The following PCDH15 variants were observed in gnomAD, a reference collection of about 807,000 sequenced individuals.
The protein encoded by PCDH15 is protocadherin related 15, also known as protocadherin-15.
In PCDH15, 129 loss-of-function variants were observed where a neutral mutation model predicts 178.5. The observed-to-expected ratio is 0.72, with a 90% CI of 0.63 to 0.84. PCDH15 has a LOEUF of 0.84. PCDH15 is among the 40% of genes least tolerant of loss of function. PCDH15 has a pLI of 0.00. For synonymous variants in PCDH15, 800 were observed against 732.0 expected (o/e 1.09, Z -1.50); for missense variants, 2,230 against 2,099.9 (o/e 1.06, Z -1.21).
intron 3 of PCDH15, among the ~76,000 whole-genome samples, chr10:54,425,383 G>A (rs140619605): frequency 0.024 from 3,669 of 152,122 alleles, 149 homozygotes; most frequent in African/African-American, 0.083. Flanking sequence ...GATACCCTGT[G>A]CTACCTTGGG....
chr10:55,282,019 T>C (rs183642125), intron 1 of PCDH15, among the ~76,000 whole-genome samples: 1 of 152,306 alleles, frequency 6.6e-6, no homozygotes, highest in East Asian at 1.9e-4. Flanking sequence ...ATTATATCCA[T>C]ATTGACTTTG....
intron 20 of PCDH15, among the ~76,000 whole-genome samples, chr10:54,014,004 G>T (rs1046715039): frequency 1.3e-5 from 2 of 151,668 alleles, no homozygotes; most frequent in Non-Finnish European, 2.9e-5. Flanking sequence ...TAGATAGATG[G>T]ATGAATAGCT....
intron 26 of PCDH15, among the ~76,000 whole-genome samples, chr10:53,881,660 T>C (rs1331550740): frequency 1.3e-5 from 2 of 152,206 alleles, no homozygotes; most frequent in Non-Finnish European, 2.9e-5. Context: ...CATGTATTTA[T>C]ATTCTTAAGA....
intron 2 of PCDH15, among the ~76,000 whole-genome samples, chr10:54,663,083 T>G (rs75959929): frequency 0.027 from 4,107 of 152,020 alleles, 192 homozygotes; most frequent in African/African-American, 0.091. Flanking sequence ...TTGTGAATTA[T>G]TTTGCAAATC....
intron 1 of PCDH15, among the ~76,000 whole-genome samples, chr10:55,246,709 G>T (rs1406595771): frequency 6.6e-6 from 1 of 151,438 alleles, no homozygotes; most frequent in Non-Finnish European, 1.5e-5. Context: ...AAAAGTTAGA[G>T]ATCATTTTGC....
intron 2 of PCDH15, among the ~76,000 whole-genome samples, chr10:55,165,526 C>A (rs544084198): frequency 2.6e-5 from 4 of 151,932 alleles, no homozygotes; most frequent in Non-Finnish European, 4.4e-5. Flanking sequence ...GCATTTTATA[C>A]ATTAAAAAGT....
chr10:55,272,994 CTG>C (rs1842485401), intron 1 of PCDH15, among the ~76,000 whole-genome samples: 3 of 151,944 alleles, frequency 2.0e-5, no homozygotes, highest in African/African-American at 4.8e-5. Context: ...GACTATGAAA[CTG>C]TGAAAAACGA....
intron 2 of PCDH15, among the ~76,000 whole-genome samples, chr10:55,395,194 TGTGAGAGAGAGAGAGA>T (rs1259942952): frequency 6.1e-4 from 56 of 91,098 alleles, no homozygotes; most frequent in Non-Finnish European, 8.7e-4. Context: ...TGTGTGTGTG[TGTGAGAGAGAGAGAGA>T]GAGAGAGAGA....
chr10:55,121,117 T>C (rs186063607), intron 2 of PCDH15, among the ~76,000 whole-genome samples: 5 of 152,184 alleles, frequency 3.3e-5, no homozygotes, highest in Admixed American at 6.5e-5. Flanking sequence ...ACCGAACTCA[T>C]GGGGATGCGG....
intron 26 of PCDH15, among the ~76,000 whole-genome samples, chr10:53,871,468 G>GTT (rs1488789587): frequency 2.4e-4 from 36 of 151,316 alleles, no homozygotes; most frequent in African/African-American, 8.1e-4. Context: ...GTGTGTGTGT[G>GTT]TGTGTGTGTG....
chr10:54,158,333 C>T (rs185598724), intron 13 of PCDH15, among the ~76,000 whole-genome samples: 3 of 152,064 alleles, frequency 2.0e-5, no homozygotes, highest in Admixed American at 6.6e-5. Flanking sequence ...GGAGAGCTTG[C>T]GCAGGGAAAC....
intron 2 of PCDH15, among the ~76,000 whole-genome samples, chr10:55,369,395 T>C (rs1026474650): frequency 2.6e-5 from 4 of 151,970 alleles, no homozygotes; most frequent in Non-Finnish European, 4.4e-5. Flanking sequence ...AAAGTGTATA[T>C]TGAGTACCTA....
At chr10:55,490,117 T>C (rs765839020) in intron 2 of PCDH15, among the ~76,000 whole-genome samples, 12 of 151,652 alleles carry the variant, frequency 7.9e-5, no homozygotes, top group Non-Finnish European at 1.3e-4. Flanking sequence ...GTCATGCATG[T>C]AAAAAGGGAA....
At chr10:53,883,150 C>A (rs895285306) in intron 26 of PCDH15, among the ~76,000 whole-genome samples, 1 of 127,320 alleles carries the variant, frequency 7.9e-6, no homozygotes, top group African/African-American at 3.1e-5. Context: ...AATACACACA[C>A]ATATATACAC....
At chr10:54,367,900 C>G (rs892555081) in intron 5 of PCDH15, among the ~76,000 whole-genome samples, 2 of 151,174 alleles carry the variant, frequency 1.3e-5, no homozygotes, top group Admixed American at 6.6e-5. Flanking sequence ...TCACTTTATA[C>G]CAAAAATAAA....
chr10:54,241,315 T>A (rs2131891841), intron 8 of PCDH15, among the ~76,000 whole-genome samples: 1 of 152,364 alleles, frequency 6.6e-6, no homozygotes, highest in East Asian at 1.9e-4. Flanking sequence ...AAGTACGGTA[T>A]GTGTTGAAGA....
At chr10:54,895,806 G>T (rs867000696) in intron 3 of PCDH15, among the ~76,000 whole-genome samples, 79 of 152,156 alleles carry the variant, frequency 5.2e-4, no homozygotes, top group African/African-American at 1.9e-3. Context: ...GTTTTTTTTA[G>T]CCATACACGT....
chr10:55,443,838 T>A (rs1222472567), intron 2 of PCDH15, among the ~76,000 whole-genome samples: 1 of 152,194 alleles, frequency 6.6e-6, no homozygotes, highest in Non-Finnish European at 1.5e-5. Flanking sequence ...TGCACATGTA[T>A]GTTTATTGCA....
At chr10:55,201,402 G>T (rs768832699) in intron 1 of PCDH15, among the ~76,000 whole-genome samples, 12 of 152,004 alleles carry the variant, frequency 7.9e-5, no homozygotes, top group Non-Finnish European at 1.5e-4. Flanking sequence ...TGCAATTGAG[G>T]GGGGAAAAAA....
Sources: gnomAD v4.1 joint callset for allele counts (sites outside exome capture counted in the v4.1 genomes callset) on GRCh38, gnomAD v4.1.1 for gene constraint, MANE v1.5 for transcripts, NCBI Gene and HGNC (gene_info 2026-07-23, HGNC 2026-07-21) for gene names.